NOS1AP: variants seen among roughly 807,000 people sequenced by gnomAD.
The protein encoded by NOS1AP is nitric oxide synthase 1 adaptor protein.
A neutral mutation model predicts 56.2 loss-of-function variants in NOS1AP; 21 were observed. The observed-to-expected ratio is 0.37, with a 90% confidence interval of 0.26 to 0.54. The LOEUF (loss-of-function observed/expected upper bound fraction) is 0.54, where lower values mean the gene tolerates loss of function less well. Among genes scored for constraint, NOS1AP ranks in the 20% least tolerant of loss-of-function variants. NOS1AP has a pLI of 0.84. For missense variants in NOS1AP, 522 were observed against 657.8 expected (o/e 0.79, Z 2.26); for synonymous variants, 270 against 274.6 (o/e 0.98, Z 0.17).
intron 1 of NOS1AP, among the ~76,000 whole-genome samples, chr1:162,097,439 TTGTC>T (rs1250377401): frequency 5.9e-5 from 9 of 152,346 alleles, no homozygotes; most frequent in Admixed American, 1.3e-4. Context: ...TGTGTTTTCT[TTGTC>T]TGTTTCAACA....
chr1:162,223,662 T>A (rs1314279939), intron 2 of NOS1AP, among the ~76,000 whole-genome samples: 1 of 152,240 alleles, frequency 6.6e-6, no homozygotes, highest in Non-Finnish European at 1.5e-5. Flanking sequence ...AAATATTTTC[T>A]CTCTGAATCA....
Position 162,325,165 on chromosome 1 carries a change from A to C in NOS1AP, c.345-7852A>C, listed in dbSNP as rs1369030552. On this transcript the variant is annotated intron_variant, in intron 4 of 9. Transcript: ENST00000361897. The stretch of plus-strand genomic sequence containing the variant: ...CAATAACTTCAAATAAAAGCAAGCC[A>C]GCTGATGTGATTAAAAAGCCCTGTA... Among the ~76,000 whole-genome samples, 4 of 152,234 alleles carry C rather than the reference A, an allele frequency of 2.6e-5. No homozygotes were observed. The South Asian group carries it at 8.3e-4, about 32-fold the overall frequency.
chr1:162,161,310 G>T (rs1441885678), intron 2 of NOS1AP, among the ~76,000 whole-genome samples: 1 of 152,186 alleles, frequency 6.6e-6, no homozygotes, highest in East Asian at 1.9e-4. Flanking sequence ...ACCATAATGG[G>T]ATTAGAGTGT....
chr1:162,278,417 A>G (rs921222457), intron 2 of NOS1AP, among the ~76,000 whole-genome samples: 3 of 152,186 alleles, frequency 2.0e-5, no homozygotes, highest in Admixed American at 2.0e-4. Flanking sequence ...TGACTTCATA[A>G]TACTTCATGC....
intron 2 of NOS1AP, among the ~76,000 whole-genome samples, chr1:162,238,119 T>C (rs1342701254): frequency 6.6e-6 from 1 of 152,110 alleles, no homozygotes; most frequent in Non-Finnish European, 1.5e-5. Flanking sequence ...ATTTACAGTA[T>C]GGTGCAGTGC....
chr1:162,295,787 C>T (rs933067268), intron 3 of NOS1AP, among the ~76,000 whole-genome samples: 1 of 152,152 alleles, frequency 6.6e-6, no homozygotes, highest in Admixed American at 6.5e-5. Flanking sequence ...CGAATTGTGC[C>T]AGAGTAGTGG....
chr1:162,363,271 G>A (rs1354946644), intron 8 of NOS1AP: 2 of 152,590 alleles, frequency 1.3e-5, no homozygotes, highest in Non-Finnish European at 2.9e-5. Context: ...CAGAACTCAG[G>A]AAAACACCTA....
rs555193490 is a variant in NOS1AP at position 162,325,789 on chromosome 1, A to G, written c.345-7228A>G. Among the ~76,000 whole-genome samples, 66 of 152,004 alleles carry G rather than the reference A, an allele frequency of 4.3e-4. 1 individual carries two copies. Among genetic ancestry groups the G allele is most frequent in the Admixed American group, 3.9e-3 (60 of 15,290 alleles). On this transcript the variant is annotated intron_variant, in intron 4 of 9. Coordinates refer to ENST00000361897, the MANE Select transcript of NOS1AP (RefSeq NM_014697.3). ...TCAGGTGACTTGGTACCTTATCTTT[A>G]TCAGCTGGTTTCATTTCGCTCTGTG...
chr1:162,250,885 A>G (rs1426741074), intron 2 of NOS1AP, among the ~76,000 whole-genome samples: 1 of 152,064 alleles, frequency 6.6e-6, no homozygotes, highest in Non-Finnish European at 1.5e-5. Flanking sequence ...CCCAAAAGCT[A>G]ACCCTTCTGC....
intron 1 of NOS1AP, among the ~76,000 whole-genome samples, chr1:162,144,680 T>A (rs1483927498): frequency 6.6e-6 from 1 of 152,202 alleles, no homozygotes; most frequent in Non-Finnish European, 1.5e-5. Context: ...GCCCGGCCTC[T>A]GCCTCACACC....
At chr1:162,236,370 A>G (rs1653292641) in intron 2 of NOS1AP, among the ~76,000 whole-genome samples, 1 of 152,174 alleles carries the variant, frequency 6.6e-6, no homozygotes, top group Non-Finnish European at 1.5e-5. Context: ...ATACGATCTC[A>G]CTTAATCCCC....
intron 1 of NOS1AP, among the ~76,000 whole-genome samples, chr1:162,073,363 A>G (rs1691699596): frequency 6.6e-6 from 1 of 152,246 alleles, no homozygotes; most frequent in African/African-American, 2.4e-5. Context: ...TATTCACTCT[A>G]TGTTGGCCAC....
At chr1:162,265,296 TATACATGTGCC>T (rs1234407364) in intron 2 of NOS1AP, among the ~76,000 whole-genome samples, 12 of 150,888 alleles carry the variant, frequency 8.0e-5, no homozygotes, top group Non-Finnish European at 1.8e-4. Context: ...GTTACATATA[TATACATGTGCC>T]ATGCTGGTGT....
intron 2 of NOS1AP, among the ~76,000 whole-genome samples, chr1:162,228,401 A>G (rs1653012960): frequency 6.6e-6 from 1 of 152,212 alleles, no homozygotes; most frequent in African/African-American, 2.4e-5. Context: ...GATGAAGGAA[A>G]TGAAGAGAAA....
intron 2 of NOS1AP, among the ~76,000 whole-genome samples, chr1:162,221,469 A>G (rs1183627383): frequency 6.6e-6 from 1 of 151,144 alleles, no homozygotes; most frequent in East Asian, 1.9e-4. Flanking sequence ...GTTTTTCACC[A>G]TTAGCACTTT....
rs532263252 is a variant in NOS1AP at position 162,294,856 on chromosome 1, C to T, written c.271-5777C>T. 8.5e-5 allele frequency among the ~76,000 whole-genome samples: 13 copies of T among 152,318 alleles called. 1 individual carries two copies. Among genetic ancestry groups the T allele is most frequent in the African/African-American group, 1.9e-4 (8 of 41,560 alleles). On this transcript the variant is annotated intron_variant, in intron 3 of 9. Transcript: ENST00000361897. ...TGCCCCTAGGACTAATTAATCTGCT[C>T]CACCAGGCACTCCCTCCCCACTCAC...
At chr1:162,117,362 T>A (rs555394969) in intron 1 of NOS1AP, among the ~76,000 whole-genome samples, 12 of 152,318 alleles carry the variant, frequency 7.9e-5, no homozygotes, top group African/African-American at 2.9e-4. Context: ...GTCTGACTGC[T>A]TGGTAAGTCT....
chr1:162,221,280 C>G (rs549003352), intron 2 of NOS1AP, among the ~76,000 whole-genome samples: 2 of 152,276 alleles, frequency 1.3e-5, no homozygotes, highest in African/African-American at 4.8e-5. Context: ...GGTGGTTAAG[C>G]TGACTGCATG....
intron 2 of NOS1AP, among the ~76,000 whole-genome samples, chr1:162,218,535 G>A (rs1652659654): frequency 6.6e-6 from 1 of 152,142 alleles, no homozygotes; most frequent in African/African-American, 2.4e-5. Context: ...CATAGGTCCT[G>A]CAGTTGTCAT....
Sources: gnomAD v4.1 joint callset for allele counts (sites outside exome capture counted in the v4.1 genomes callset) on GRCh38, gnomAD v4.1.1 for gene constraint, MANE v1.5 for transcripts, NCBI Gene and HGNC (gene_info 2026-07-23, HGNC 2026-07-21) for gene names.